The following SYNJ2BP variants were observed in gnomAD, a reference collection of about 807,000 sequenced individuals.
SYNJ2BP encodes synaptojanin 2 binding protein.
Under a neutral mutation model 16.9 loss-of-function variants are expected in SYNJ2BP, and 10 were observed. The observed-to-expected ratio is 0.59, with a 90% CI of 0.36 to 1.00. The LOEUF (loss-of-function observed/expected upper bound fraction) is 1.00, where lower values mean the gene tolerates loss of function less well. SYNJ2BP is among the 50% of genes least tolerant of loss of function. The pLI, the probability that SYNJ2BP is intolerant of heterozygous loss-of-function variation, is 0.01. For synonymous variants in SYNJ2BP, 54 were observed against 68.4 expected, an observed-to-expected ratio of 0.79 and a Z score of 1.04; for missense variants, 162 against 186.7, an observed-to-expected ratio of 0.87 and a Z score of 0.77.
At chr14:70,413,568 G>A (rs1168736105) in intron 1 of SYNJ2BP, among the ~76,000 whole-genome samples, 1 of 152,248 alleles carries the variant, frequency 6.6e-6, no homozygotes, top group Non-Finnish European at 1.5e-5. Context: ...GAACCTGGGA[G>A]GCAGAGGTTG....
intron 1 of SYNJ2BP, among the ~76,000 whole-genome samples, chr14:70,412,526 A>G (rs1027885372): frequency 6.8e-6 from 1 of 146,120 alleles, no homozygotes; most frequent in Non-Finnish European, 1.5e-5. Context: ...TATACAGTAT[A>G]TATGTATGTA....
rs1887526725 is a variant in SYNJ2BP, at chr14:70,371,956, T to C, written c.*1035A>G. The C allele has an allele frequency of 6.6e-6, 1 of 152,192 alleles. No homozygotes were observed. Among genetic ancestry groups the C allele is most frequent in the African/African-American group, 2.4e-5 (1 of 41,434 alleles). 9.4% of individuals were successfully genotyped at this position (152,192 alleles called of 1,614,324 possible). A position where few individuals can be genotyped will look rare whatever the true frequency, so the allele number is the denominator to read the frequency against. On this transcript the variant is annotated 3_prime_UTR_variant, in exon 4 of 4. Transcript: ENST00000256366. ...GGTTCTTCAATAGGACTCTGAGGTA[T>C]CAAAAAAGTCACTAGGGCAGCCCAG...
At chr14:70,415,648 T>A (rs1052675068) in intron 1 of SYNJ2BP, among the ~76,000 whole-genome samples, 3 of 5,714 alleles carry the variant, frequency 5.3e-4, no homozygotes, top group Non-Finnish European at 4.8e-3. Context: ...GAATAATCTA[T>A]CCATGATTAA....
At chr14:70,398,660 C>T (rs1888160679) in intron 1 of SYNJ2BP, among the ~76,000 whole-genome samples, 1 of 152,168 alleles carries the variant, frequency 6.6e-6, no homozygotes, top group Non-Finnish European at 1.5e-5. Flanking sequence ...CAGGGGGAAC[C>T]TTCCTGGGCC....
chr14:70,373,843 G>A (rs911220505), intron 3 of SYNJ2BP, among the ~76,000 whole-genome samples: 1 of 152,168 alleles, frequency 6.6e-6, no homozygotes, highest in African/African-American at 2.4e-5. Flanking sequence ...GGTTTTCAGG[G>A]TAGCTCTTCT....
intron 2 of SYNJ2BP, among the ~76,000 whole-genome samples, chr14:70,384,124 T>A (rs1039463830): frequency 2.2e-4 from 33 of 152,094 alleles, no homozygotes; most frequent in African/African-American, 7.7e-4. Flanking sequence ...AGATAATATG[T>A]GGGAATTACT....
chr14:70,373,648 C>T (rs1160641865), intron 3 of SYNJ2BP, among the ~76,000 whole-genome samples: 2 of 152,202 alleles, frequency 1.3e-5, no homozygotes, highest in Non-Finnish European at 2.9e-5. Context: ...TCCCAGAAGG[C>T]ACCCAACTCC....
chr14:70,386,404 G>A (rs1321575782), intron 2 of SYNJ2BP, among the ~76,000 whole-genome samples: 1 of 152,202 alleles, frequency 6.6e-6, no homozygotes, highest in Non-Finnish European at 1.5e-5. Flanking sequence ...AATAGTCAAT[G>A]AGAAGGACTG....
At chr14:70,383,336 C>T (rs537535388) in intron 2 of SYNJ2BP, among the ~76,000 whole-genome samples, 2 of 152,200 alleles carry the variant, frequency 1.3e-5, no homozygotes, top group Admixed American at 6.5e-5. Flanking sequence ...CTAAGGTAAG[C>T]GCAGAGACCA....
chr14:70,390,980 A>C (rs1431039772), intron 1 of SYNJ2BP, among the ~76,000 whole-genome samples: 1 of 152,050 alleles, frequency 6.6e-6, no homozygotes, highest in African/African-American at 2.4e-5. Flanking sequence ...CCAAAAATAC[A>C]AAAAATTAGA....
rs972345218 is a variant in SYNJ2BP at position 70,367,775 on chromosome 14, A to G, written c.*5216T>C. ...TTACAGGTGAGAGGTAGACAGCTTC[A>G]TAACTCAATCTTCTACTACCAGGTG... On this transcript the variant is annotated 3_prime_UTR_variant, in exon 4 of 4. Transcript: ENST00000256366. The G allele has an allele frequency of 2.0e-5, 3 of 152,140 alleles. No homozygotes were observed. Among genetic ancestry groups the G allele is most frequent in the East Asian group, 3.9e-4 (2 of 5,194 alleles). The allele number at this position is 152,140 out of a possible 1,614,324, so 9.4% of individuals were successfully genotyped here. A position where few individuals can be genotyped will look rare whatever the true frequency, so the allele number is the denominator to read the frequency against.
chr14:70,373,314 T>C (rs1215115865), intron 3 of SYNJ2BP, among the ~76,000 whole-genome samples, 183 bp from the exon 4 acceptor site: 1 of 152,154 alleles, frequency 6.6e-6, no homozygotes, highest in Non-Finnish European at 1.5e-5. Flanking sequence ...ACAGGATCTT[T>C]GGAAAGAAAA....
In SYNJ2BP at chr14:70,373,137, A is replaced by G; in HGVS notation, c.298-6T>C. On this transcript the variant is annotated splice_polypyrimidine_tract_variant and splice_region_variant and intron_variant, in intron 3 of 3. Coordinates refer to ENST00000256366, the MANE Select transcript of SYNJ2BP (RefSeq NM_018373.3). ...GGTCCATTCTGCACCTGTAACTGGA[A>G]GGGAAAGAAAAATGTTAACTCTAGT... The G allele has an allele frequency of 6.2e-7, 1 of 1,613,292 alleles. No homozygotes were observed. Among genetic ancestry groups the G allele is most frequent in the Non-Finnish European group, 8.5e-7 (1 of 1,179,760 alleles).
rs191854190 is a variant in SYNJ2BP, at chr14:70,373,160, A to G, written c.298-29T>C. 6.5e-4 allele frequency: 1,049 copies of G among 1,612,458 alleles called. 6 individuals carry two copies. The African/African-American group carries it at 0.012, about 18-fold the overall frequency. On this transcript the variant is annotated intron_variant, in intron 3 of 3. Coordinates refer to ENST00000256366, the MANE Select transcript of SYNJ2BP (RefSeq NM_018373.3). ...GAAGGGAAAGAAAAATGTTAACTCT[A>G]GTGACTAATGTGTGTTTGCAACTGA...
At chr14:70,380,204 G>T (rs1887716424) in intron 2 of SYNJ2BP, among the ~76,000 whole-genome samples, 2 of 152,178 alleles carry the variant, frequency 1.3e-5, no homozygotes, top group Admixed American at 1.3e-4. Flanking sequence ...ACTCAAGCAG[G>T]CTGGCCCAAA....
At position 70,390,724 on chromosome 14, in the gene SYNJ2BP, T is replaced by A. The variant is rs951128881; in HGVS notation, c.65-2118A>T. Among the ~76,000 whole-genome samples, 3 of 150,974 alleles carry A rather than the reference T, an allele frequency of 2.0e-5. No homozygotes were observed. In the East Asian group the frequency reaches 5.9e-4, roughly 30 times the overall value. ...GCTTTCTGAAAGTTCTCCCCATTGG[T>A]GGGAGAAAAGCTTACACCTGAAGCT... is the stretch of plus-strand genomic sequence containing the variant. On this transcript the variant is annotated intron_variant, in intron 1 of 3. Transcript: ENST00000256366.
intron 2 of SYNJ2BP, among the ~76,000 whole-genome samples, chr14:70,385,223 T>C (rs950075240): frequency 7.2e-5 from 11 of 152,212 alleles, no homozygotes; most frequent in African/African-American, 2.4e-4. Context: ...TTATTTTCTC[T>C]GTGAGGAAAT....
chr14:70,371,846 A>C lies in SYNJ2BP; in HGVS notation c.*1145T>G. The C allele has an allele frequency of 6.6e-6, 1 of 152,228 alleles. No homozygotes were observed. Among genetic ancestry groups the C allele is most frequent in the Non-Finnish European group, 1.5e-5 (1 of 68,030 alleles). 9.4% of individuals were successfully genotyped at this position (152,228 alleles called of 1,614,324 possible). A position where few individuals can be genotyped will look rare whatever the true frequency, so the allele number is the denominator to read the frequency against. Reference sequence around the variant, plus strand: ...AGGGTTCAGGTGCCACCTTGGAGGCACTACCTTATCTTTTGTCCTTTTAGA... The same window carrying C: ...AGGGTTCAGGTGCCACCTTGGAGGCCCTACCTTATCTTTTGTCCTTTTAGA... On this transcript the variant is annotated 3_prime_UTR_variant, in exon 4 of 4. Transcript: ENST00000256366.
In SYNJ2BP at chr14:70,415,185, A is replaced by T. The variant is rs77354632; in HGVS notation, c.64+1715T>A. Among the ~76,000 whole-genome samples the T allele has an allele frequency of 1.9e-4, 29 of 151,030 alleles. 1 individual carries two copies. The highest frequency in any genetic ancestry group is 4.6e-4 in the African/African-American group (19 of 41,076). On this transcript the variant is annotated intron_variant, in intron 1 of 3. Transcript: ENST00000256366. ...GAGACCTCGTCTCTAAAAAAAAAAAAATATTAATAATGGTATTAGTGATGA... is the reference window on the plus strand; with the variant it reads ...GAGACCTCGTCTCTAAAAAAAAAAATATATTAATAATGGTATTAGTGATGA...
Sources: gnomAD v4.1 joint callset for allele counts (sites outside exome capture counted in the v4.1 genomes callset) on GRCh38, gnomAD v4.1.1 for gene constraint, MANE v1.5 for transcripts, NCBI Gene and HGNC (gene_info 2026-07-23, HGNC 2026-07-21) for gene names.